HS6ST2: variants seen among roughly 807,000 people sequenced by gnomAD.
HS6ST2 encodes the protein heparan sulfate 6-O-sulfotransferase 2.
A neutral mutation model predicts 33.0 loss-of-function variants in HS6ST2; 17 were observed. That is an observed-to-expected ratio of 0.52 (90% CI 0.35 to 0.77). The LOEUF is 0.77. Ranked by LOEUF, HS6ST2 falls within the 30% of genes least tolerant of loss-of-function variation. The pLI is 0.01. For missense variants in HS6ST2, 519 were observed against 551.7 expected (o/e 0.94, Z 0.59); for synonymous variants, 248 against 237.1 (o/e 1.05, Z -0.42).
At position 132,958,411 on chromosome X, in the gene HS6ST2, G is replaced by T. The variant is rs765888378; in HGVS notation, c.192C>A (p.Thr64=). Residue 64 remains threonine, a synonymous_variant, in exon 1 of 5, where the codon ACC becomes ACA. Coordinates refer to ENST00000370833, the MANE Select transcript of HS6ST2 (RefSeq NM_001394073.1). ...TTCGGGGCTTGTCCAGGAGCGGCCG[G>T]GTGTGGAATCCGTGAGACACACCCC... ...PPRGVSHGFH[T]RPLLDKPRKA... is the part of the protein sequence containing the mutation. 156 of 1,197,392 alleles carry T rather than the reference G, an allele frequency of 1.3e-4. No individual in the cohort carries two copies. The highest frequency in any genetic ancestry group is 1.7e-4 in the Non-Finnish European group (150 of 891,765).
At chrX:132,889,598 G>A (rs190144523) in intron 2 of HS6ST2, among the ~76,000 whole-genome samples, 345 of 111,422 alleles carry the variant, frequency 3.1e-3, no homozygotes, top group Non-Finnish European at 5.1e-3. Context: ...ATCCACATAC[G>A]AAAGTGTAAG....
At chrX:132,835,130 G>C (rs2065628624) in intron 2 of HS6ST2, among the ~76,000 whole-genome samples, 1 of 111,995 alleles carries the variant, frequency 8.9e-6, no homozygotes, top group Admixed American at 9.5e-5. Context: ...TTCCATGCTT[G>C]AAAAGGTTAG....
intron 4 of HS6ST2, among the ~76,000 whole-genome samples, chrX:132,637,565 G>C (rs1404045093): frequency 9.6e-6 from 1 of 104,677 alleles, no homozygotes; most frequent in Admixed American, 1.1e-4. Context: ...CTACTCAAAG[G>C]GGAAATAAAT....
intron 2 of HS6ST2, among the ~76,000 whole-genome samples, chrX:132,729,728 T>G (rs918472710): frequency 9.8e-5 from 11 of 112,134 alleles, no homozygotes; most frequent in African/African-American, 3.6e-4. Context: ...TAGGTACTAT[T>G]GTTCTTTTAA....
intron 2 of HS6ST2, among the ~76,000 whole-genome samples, chrX:132,726,887 ACAATTTTT>A (rs1213128386): frequency 9.0e-6 from 1 of 111,044 alleles, no homozygotes; most frequent in African/African-American, 3.3e-5. Context: ...ATAGATATCC[ACAATTTTT>A]TTTTAAAGTA....
At chrX:132,892,038 T>C (rs942642842) in intron 2 of HS6ST2, among the ~76,000 whole-genome samples, 1 of 111,909 alleles carries the variant, frequency 8.9e-6, no homozygotes, top group Non-Finnish European at 1.9e-5. Flanking sequence ...CACATCCTCT[T>C]CAGCACCTGT....
intron 2 of HS6ST2, among the ~76,000 whole-genome samples, chrX:132,886,973 A>G (rs2066259292): frequency 1.8e-5 from 2 of 110,555 alleles, no homozygotes; most frequent in African/African-American, 3.3e-5. Context: ...CGTCTCTACT[A>G]AAAATACAAA....
intron 2 of HS6ST2, among the ~76,000 whole-genome samples, chrX:132,737,530 G>A (rs1168227046): frequency 1.8e-5 from 2 of 111,461 alleles, no homozygotes; most frequent in Non-Finnish European, 3.8e-5. Context: ...TTAGCAACAC[G>A]GTGGGGAGAG....
At chrX:132,689,159 C>T (rs1160061969) in intron 3 of HS6ST2, among the ~76,000 whole-genome samples, 4 of 111,610 alleles carry the variant, frequency 3.6e-5, no homozygotes, top group African/African-American at 6.5e-5. Context: ...AGAGAAGGTT[C>T]GGGTGAACAT....
At chrX:132,828,945 A>T (rs1344066226) in intron 2 of HS6ST2, among the ~76,000 whole-genome samples, 3 of 102,836 alleles carry the variant, frequency 2.9e-5, no homozygotes, top group East Asian at 2.9e-4. Context: ...TCCTTTTTTA[A>T]CCTAGCATTA....
intron 3 of HS6ST2, among the ~76,000 whole-genome samples, chrX:132,700,812 G>A (rs1033906278): frequency 3.6e-5 from 4 of 110,525 alleles, no homozygotes; most frequent in Non-Finnish European, 7.6e-5. Flanking sequence ...GTCTATAGCC[G>A]CAATCCTCTC....
At chrX:132,643,443 A>G (rs1253938679) in intron 4 of HS6ST2, among the ~76,000 whole-genome samples, 1 of 111,946 alleles carries the variant, frequency 8.9e-6, no homozygotes, top group African/African-American at 3.2e-5. Context: ...GTTCCTGTGA[A>G]TGGAACCAAT....
At chrX:132,894,468 TTGTTA>T (rs61054237) in intron 2 of HS6ST2, among the ~76,000 whole-genome samples, 38,659 of 91,525 alleles carry the variant, frequency 0.42, 7,487 homozygotes, top group Non-Finnish European at 0.5. Context: ...GAAATTCCTA[TTGTTA>T]TGTTATGTTA....
chrX:132,762,563 C>G (rs1326497627), intron 2 of HS6ST2, among the ~76,000 whole-genome samples: 1 of 111,559 alleles, frequency 9.0e-6, no homozygotes. Flanking sequence ...GGTGCATGTC[C>G]AAAGTAGGAT....
At chrX:132,644,032 A>T (rs1396233265) in intron 4 of HS6ST2, among the ~76,000 whole-genome samples, 2 of 111,863 alleles carry the variant, frequency 1.8e-5, no homozygotes, top group Non-Finnish European at 3.8e-5. Context: ...TGCAAAGTGG[A>T]TTTAAGGCCA....
At chrX:132,778,685 C>T (rs185048189) in intron 2 of HS6ST2, among the ~76,000 whole-genome samples, 10 of 110,634 alleles carry the variant, frequency 9.0e-5, no homozygotes, top group African/African-American at 2.6e-4. Flanking sequence ...ATTACAGGCC[C>T]GGCCAAAATG....
intron 2 of HS6ST2, among the ~76,000 whole-genome samples, chrX:132,834,699 C>T (rs962658207): frequency 2.8e-4 from 31 of 112,590 alleles, no homozygotes; most frequent in Non-Finnish European, 2.3e-4. Flanking sequence ...TTCACCTTTA[C>T]GCTTTACAGC....
intron 2 of HS6ST2, among the ~76,000 whole-genome samples, chrX:132,859,065 G>A (rs1414347496): frequency 2.7e-5 from 3 of 112,083 alleles, no homozygotes; most frequent in African/African-American, 9.7e-5. Flanking sequence ...ATATTAGAAT[G>A]TGCTTCCTTT....
At chrX:132,749,924 C>A (rs758831962) in intron 2 of HS6ST2, among the ~76,000 whole-genome samples, 1 of 111,209 alleles carries the variant, frequency 9.0e-6, no homozygotes, top group Non-Finnish European at 1.9e-5. Flanking sequence ...TAAGAGGAAC[C>A]TCTATACCAA....
Sources: allele counts gnomAD v4.1 joint callset (sites outside exome capture counted in the v4.1 genomes callset), GRCh38; gene constraint gnomAD v4.1.1; transcripts MANE v1.5; gene names NCBI Gene and HGNC (gene_info 2026-07-23, HGNC 2026-07-21).